NUP210L: variants seen among roughly 807,000 people sequenced by gnomAD.
The protein encoded by NUP210L is nucleoporin 210 like.
A neutral mutation model predicts 208.5 loss-of-function variants in NUP210L; 74 were observed. The ratio of observed to expected loss-of-function variants is 0.35; its 90% CI spans 0.29 to 0.43. The LOEUF (loss-of-function observed/expected upper bound fraction) is 0.43, where lower values mean the gene tolerates loss of function less well. Ranked by LOEUF, NUP210L falls within the 20% of genes least tolerant of loss-of-function variation. The pLI is 1.00. For missense variants in NUP210L, 1,843 were observed against 2,289.4 expected (o/e 0.81, Z 3.98); for synonymous variants, 780 against 816.9 (o/e 0.95, Z 0.77).
intron 2 of NUP210L, among the ~76,000 whole-genome samples, chr1:154,144,282 T>TA (rs1444180082): frequency 2.6e-5 from 4 of 152,220 alleles, no homozygotes; most frequent in Admixed American, 2.0e-4. Context: ...TTTAAAATGG[T>TA]AAAAAATTTT....
At chr1:154,027,863 C>T (rs1651988722) in intron 28 of NUP210L, among the ~76,000 whole-genome samples, 1 of 152,072 alleles carries the variant, frequency 6.6e-6, no homozygotes, top group Admixed American at 6.6e-5. Flanking sequence ...CAGCATGTAG[C>T]AAAGTTTACA....
intron 25 of NUP210L, among the ~76,000 whole-genome samples, chr1:154,046,933 C>T (rs1307473276): frequency 6.6e-6 from 1 of 152,120 alleles, no homozygotes; most frequent in Non-Finnish European, 1.5e-5. Flanking sequence ...TGGCATGTGC[C>T]TGTAGTCTTA....
intron 27 of NUP210L, among the ~76,000 whole-genome samples, chr1:154,042,415 TTTGTTG>T (rs575841395): frequency 4.8e-4 from 71 of 146,960 alleles, no homozygotes; most frequent in African/African-American, 9.3e-4. Flanking sequence ...TGAAGGCCTT[TTTGTTG>T]TTGTTGTTGT....
chr1:154,152,025 G>A, intron 2 of NUP210L, among the ~76,000 whole-genome samples: 1 of 144,432 alleles, frequency 6.9e-6, no homozygotes, highest in East Asian at 2.1e-4. Context: ...GGGAGACAGA[G>A]GTTACAGTGA....
chr1:154,111,185 C>A (rs1257324416), intron 12 of NUP210L, among the ~76,000 whole-genome samples: 2 of 151,308 alleles, frequency 1.3e-5, no homozygotes, highest in Non-Finnish European at 2.9e-5. Context: ...GAGTTTGAGA[C>A]CAGCCCGGCC....
chr1:154,126,061 C>G (rs922031376), intron 10 of NUP210L, among the ~76,000 whole-genome samples: 1 of 151,986 alleles, frequency 6.6e-6, no homozygotes, highest in Non-Finnish European at 1.5e-5. Context: ...AGCCACCGCG[C>G]CCGGCCAAGA....
rs562630559 is a variant in NUP210L, at chr1:154,087,129, G to T, written c.2361+2292C>A. Among the ~76,000 whole-genome samples, 3 of 152,152 alleles carry T rather than the reference G, an allele frequency of 2.0e-5. No individual in the cohort carries two copies. The East Asian group carries it at 5.8e-4, about 29-fold the overall frequency. On this transcript the variant is annotated intron_variant, in intron 16 of 39. Coordinates refer to ENST00000368559, the Ensembl canonical transcript of NUP210L. ...GAGGTCAGGAGTTTGAGACCAGCCT[G>T]GCCAACATGGTGAAACCCCGTTTCT... is the stretch of plus-strand genomic sequence containing the variant.
In NUP210L at chr1:154,051,369, C is replaced by T. The variant is rs1653489670; in HGVS notation, c.3483+2859G>A. Among the ~76,000 whole-genome samples the T allele has an allele frequency of 2.0e-5, 3 of 152,064 alleles. No homozygotes were observed. In the South Asian group the frequency reaches 6.2e-4, roughly 32 times the overall value. ...GGACTACAGGCACCCGCTACCACAC[C>T]CAGCTAATTTTTTTATTTTTATTTT... On this transcript the variant is annotated intron_variant, in intron 25 of 39. Transcript: ENST00000368559.
chr1:154,129,142 C>T, intron 8 of NUP210L, 135 bp downstream of exon 8: 1 of 565,488 alleles, frequency 1.8e-6, no homozygotes, highest in Non-Finnish European at 3.1e-6. Flanking sequence ...TTTGATAAAA[C>T]ATGTCAAAGT....
At chr1:154,143,484 G>A (rs777818347) in exon 3 of NUP210L, 16 of 1,613,636 alleles carry the variant, frequency 9.9e-6, no homozygotes, top group African/African-American at 2.7e-5. Flanking sequence ...TTCCAGTGGC[G>A]AATCATCTAC....
chr1:154,093,742 G>A (rs1326422435), intron 15 of NUP210L, among the ~76,000 whole-genome samples: 1 of 152,188 alleles, frequency 6.6e-6, no homozygotes, highest in Non-Finnish European at 1.5e-5. Flanking sequence ...CTGTTTCACA[G>A]TCATACCTTG....
At chr1:154,112,310 G>A (rs1307612882) in intron 12 of NUP210L, among the ~76,000 whole-genome samples, 2 of 152,096 alleles carry the variant, frequency 1.3e-5, no homozygotes, top group Non-Finnish European at 2.9e-5. Context: ...GGAGGCTGAG[G>A]TGGGAGGATT....
rs1557943300 is a variant in NUP210L at position 154,054,424 on chromosome 1, C to T, written c.3304-17G>A. The T allele has an allele frequency of 1.2e-6, 2 of 1,611,334 alleles. No individual in the cohort carries two copies. Among genetic ancestry groups the T allele is most frequent in the East Asian group, 2.2e-5 (1 of 44,850 alleles). On this transcript the variant is annotated splice_polypyrimidine_tract_variant and intron_variant, in intron 24 of 39. Transcript: ENST00000368559. ...AGACATTACCTGGAATTTAAATATA[C>T]CATTGAATGCCTAGAACATGAGGGA...
exon 15 of NUP210L, chr1:154,095,109 C>T (rs2148054374): frequency 3.1e-6 from 5 of 1,614,122 alleles, no homozygotes; most frequent in Non-Finnish European, 4.2e-6. Context: ...ATACCATTTC[C>T]TTCACAGACT....
exon 38 of NUP210L, chr1:153,995,087 G>A: frequency 6.2e-7 from 1 of 1,609,222 alleles, no homozygotes; most frequent in South Asian, 1.1e-5. Context: ...TAGGAAGATG[G>A]AAGCTGTTGA....
intron 17 of NUP210L, among the ~76,000 whole-genome samples, chr1:154,069,643 C>T (rs1397569229): frequency 4.6e-5 from 7 of 152,270 alleles, no homozygotes; most frequent in South Asian, 4.2e-4. Context: ...GACAGTGTGG[C>T]GATTCCTCAA....
At chr1:154,034,707 T>C (rs1652433999) in intron 27 of NUP210L, among the ~76,000 whole-genome samples, 1 of 152,190 alleles carries the variant, frequency 6.6e-6, no homozygotes, top group South Asian at 2.1e-4. Flanking sequence ...GATTTCTTCA[T>C]GGTTAAATCT....
intron 12 of NUP210L, among the ~76,000 whole-genome samples, chr1:154,110,065 C>G (rs1456200380): frequency 1.3e-5 from 2 of 150,600 alleles, no homozygotes; most frequent in South Asian, 2.1e-4. Context: ...GAAACCCCAT[C>G]TCTAATAAAA....
At chr1:154,147,997 C>T (rs1659202003) in intron 2 of NUP210L, among the ~76,000 whole-genome samples, 1 of 143,452 alleles carries the variant, frequency 7.0e-6, no homozygotes, top group Admixed American at 6.8e-5. Context: ...CGGTGGCTCA[C>T]ACCTGTAATC....
Sources: gnomAD v4.1 joint callset for allele counts (sites outside exome capture counted in the v4.1 genomes callset) on GRCh38, gnomAD v4.1.1 for gene constraint, MANE v1.5 for transcripts, NCBI Gene and HGNC (gene_info 2026-07-23, HGNC 2026-07-21) for gene names.